The following PCDHGA10 variants were observed in gnomAD, a reference collection of about 807,000 sequenced individuals.
The protein encoded by PCDHGA10 is protocadherin gamma subfamily A, 10, also known as protocadherin gamma-A10.
In PCDHGA10, 42 loss-of-function variants were observed where a neutral mutation model predicts 59.5. That is an observed-to-expected ratio of 0.71 (90% CI 0.55 to 0.91). The LOEUF (loss-of-function observed/expected upper bound fraction) is 0.91, where lower values mean the gene tolerates loss of function less well. Ranked by LOEUF, PCDHGA10 falls within the 40% of genes least tolerant of loss-of-function variation. The probability of loss-of-function intolerance (pLI) is 0.00; values close to 1 mark genes in which losing one functional copy is unlikely to be tolerated. For synonymous variants in PCDHGA10, 511 were observed against 517.2 expected (o/e 0.99, Z 0.16); for missense variants, 1,111 against 1,198.2 (o/e 0.93, Z 1.07).
intron 1 of PCDHGA10, chr5:141,418,458 T>C: frequency 6.2e-7 from 1 of 1,614,010 alleles, no homozygotes; most frequent in African/African-American, 1.3e-5. Context: ...CAGAAGACTC[T>C]GGACCGAGAA....
Position 141,414,778 on chromosome 5 carries a change from C to G in PCDHGA10, c.1603C>G (p.Gln535Glu). 3.1e-6 allele frequency: 5 copies of G among 1,614,202 alleles called. No individual in the cohort carries two copies. The highest frequency in any genetic ancestry group is 3.4e-6 in the Non-Finnish European group (4 of 1,180,046). ...TGAGCAGTTTCATGAGCTACAGATG[C>G]AGGTGACAGCCAGCGACAGCGGGGA... ...DYEQFHELQM[Q>E]VTASDSGDPP... is the part of the protein sequence containing the mutation. The change falls in exon 1 of 4, where the codon CAG becomes GAG. Residue 535 changes from glutamine (Q) to glutamate (E), a missense_variant. Coordinates refer to ENST00000398610, the MANE Select transcript of PCDHGA10 (RefSeq NM_018913.3).
chr5:141,467,084 A>T, intron 1 of PCDHGA10, among the ~76,000 whole-genome samples: 1 of 142,674 alleles, frequency 7.0e-6, no homozygotes, highest in African/African-American at 2.6e-5. Context: ...ACCAAGTCTC[A>T]CTCTGTCACA....
At position 141,413,132 on chromosome 5, in the gene PCDHGA10, A is replaced by C. The variant is rs1313665743; in HGVS notation, c.-44A>C. The C allele has an allele frequency of 1.3e-6, 2 of 1,542,144 alleles. No individual in the cohort carries two copies. The highest frequency in any genetic ancestry group is 4.0e-5 in the Admixed American group (2 of 49,910). ...ACAAAGGAACCGGTTGAAACACACA[A>C]CGTGTCCAGTGAGGACTTTGCAGAA... On this transcript the variant is annotated 5_prime_UTR_variant, in exon 1 of 4. Transcript: ENST00000398610.
At chr5:141,460,961 ATGTGTG>A (rs35821115) in intron 1 of PCDHGA10, among the ~76,000 whole-genome samples, 6 of 144,616 alleles carry the variant, frequency 4.1e-5, no homozygotes, top group South Asian at 4.4e-4. Flanking sequence ...GTATATATAT[ATGTGTG>A]TGTGTGTGTG....
Position 141,476,220 on chromosome 5 carries a change from A to G in PCDHGA10, c.2437-18587A>G, listed in dbSNP as rs770978000. On this transcript the variant is annotated intron_variant, in intron 1 of 3. Coordinates refer to ENST00000398610, the MANE Select transcript of PCDHGA10 (RefSeq NM_018913.3). This position sits in a 1 kb window ranked among gnomAD's most constrained non-coding sequence, Gnocchi z 7.6. Reference sequence around the variant, plus strand: ...AACAAGGCTTCCACGGTCATTCACTATGAGATCCCGGAGGAAAGAGAGAAG... The same window carrying G: ...AACAAGGCTTCCACGGTCATTCACTGTGAGATCCCGGAGGAAAGAGAGAAG... 44 of 1,613,884 alleles carry G rather than the reference A, an allele frequency of 2.7e-5. No individual in the cohort carries two copies. The highest frequency in any genetic ancestry group is 3.4e-5 in the Non-Finnish European group (40 of 1,180,004).
At chr5:141,444,152 A>ATTTTT (rs747671382) in intron 1 of PCDHGA10, among the ~76,000 whole-genome samples, 10 of 33,898 alleles carry the variant, frequency 3.0e-4, no homozygotes, top group Middle Eastern at 0.019. Context: ...TGTGTACTGG[A>ATTTTT]TTTTTTTTTT....
Position 141,476,369 on chromosome 5 carries a change from G to A in PCDHGA10, c.2437-18438G>A, listed in dbSNP as rs1178923246. 1.9e-6 allele frequency: 3 copies of A among 1,614,098 alleles called. No homozygotes were observed. The African/African-American group carries it at 4.0e-5, about 22-fold the overall frequency. ...CTTTGAGGTGAACCGGGAGACCGGA[G>A]AGATGTTTGTGAACGACCGTCTGGA... On this transcript the variant is annotated intron_variant, in intron 1 of 3. Transcript: ENST00000398610. This position sits in a 1 kb window ranked among gnomAD's most constrained non-coding sequence, Gnocchi z 7.6.
In PCDHGA10 at chr5:141,486,070, T is replaced by G; in HGVS notation, c.2437-8737T>G. The G allele has an allele frequency of 6.2e-7, 1 of 1,614,158 alleles. No individual in the cohort carries two copies. Among genetic ancestry groups the G allele is most frequent in the Non-Finnish European group, 8.5e-7 (1 of 1,180,010 alleles). On this transcript the variant is annotated intron_variant, in intron 1 of 3. Coordinates refer to ENST00000398610, the MANE Select transcript of PCDHGA10 (RefSeq NM_018913.3). This position sits in a 1 kb window ranked among gnomAD's most constrained non-coding sequence, Gnocchi z 5.0. ...ACCTCTTTAGCCTGCACCCCACTAC[T>G]GGAAAGCTTACTCTTTTGGGGCCCC...
intron 1 of PCDHGA10, among the ~76,000 whole-genome samples, chr5:141,484,569 AGACT>A (rs1376518478): frequency 1.3e-5 from 2 of 152,106 alleles, no homozygotes; most frequent in African/African-American, 2.4e-5. Context: ...CAATACAATC[AGACT>A]GAGACGGAAG....
chr5:141,419,759 G>A (rs1179602962), intron 1 of PCDHGA10: 2 of 1,614,004 alleles, frequency 1.2e-6, no homozygotes, highest in Admixed American at 3.3e-5. Context: ...TGCTTTGGGT[G>A]ACAAGGACTC....
chr5:141,496,932 T>G (rs1336402833), intron 2 of PCDHGA10, among the ~76,000 whole-genome samples: 1 of 148,964 alleles, frequency 6.7e-6, no homozygotes, highest in Non-Finnish European at 1.5e-5. Context: ...ACGCCTGTAA[T>G]CCCAGCACTT....
intron 3 of PCDHGA10, among the ~76,000 whole-genome samples, 188 bp from the exon 4 acceptor site, chr5:141,510,759 G>A (rs1026623444): frequency 6.6e-5 from 10 of 152,172 alleles, no homozygotes; most frequent in African/African-American, 2.4e-4. Context: ...TCTCACTCCA[G>A]AGCCTCTTAA....
chr5:141,438,601 T>C (rs2098005462), intron 1 of PCDHGA10, among the ~76,000 whole-genome samples: 6 of 26,284 alleles, frequency 2.3e-4, no homozygotes, highest in African/African-American at 1.3e-3. Flanking sequence ...CATATATATA[T>C]ATATATATAT....
rs148675327 is a variant in PCDHGA10 at position 141,477,019 on chromosome 5, C to A, written c.2437-17788C>A. On this transcript the variant is annotated intron_variant, in intron 1 of 3. Coordinates refer to ENST00000398610, the MANE Select transcript of PCDHGA10 (RefSeq NM_018913.3). The surrounding 1 kb of genome is among the most constrained non-coding windows in gnomAD (Gnocchi z 4.9). ...AACTATTCGCCTTAGACCTTGTAAC[C>A]GGGATGCTGACAATCAAGGGTCGGC... The A allele has an allele frequency of 1.7e-5, 28 of 1,614,124 alleles. No individual in the cohort carries two copies. The African/African-American group carries it at 2.5e-4, about 15-fold the overall frequency.
At chr5:141,454,320 C>G (rs140074578) in intron 1 of PCDHGA10, among the ~76,000 whole-genome samples, 4 of 152,148 alleles carry the variant, frequency 2.6e-5, no homozygotes, top group Admixed American at 2.6e-4. Context: ...ATTGAAACCT[C>G]CAAGAATAAA....
In PCDHGA10 at chr5:141,467,461, A is replaced by G. The variant is rs1330947379; in HGVS notation, c.2437-27346A>G. ...ATTACTTTTTTCTTCCAGTGCTAGT[A>G]CTTGCATGGTTTTTGGTTTCCACAT... On this transcript the variant is annotated intron_variant, in intron 1 of 3. Coordinates refer to ENST00000398610, the MANE Select transcript of PCDHGA10 (RefSeq NM_018913.3). 2.6e-5 allele frequency among the ~76,000 whole-genome samples: 4 copies of G among 152,158 alleles called. No homozygotes were observed. The South Asian group carries it at 8.3e-4, about 31-fold the overall frequency.
In PCDHGA10 at chr5:141,477,070, T is replaced by A; in HGVS notation, c.2437-17737T>A. 6.2e-7 allele frequency: 1 copy of A among 1,613,342 alleles called. No individual in the cohort carries two copies. The highest frequency in any genetic ancestry group is 8.5e-7 in the Non-Finnish European group (1 of 1,179,244). ...TGGACTTCGAGGACACCAAACTCCATGAGATTTACATCCAGGCCAAAGACA... is the reference window on the plus strand; with the variant it reads ...TGGACTTCGAGGACACCAAACTCCAAGAGATTTACATCCAGGCCAAAGACA... On this transcript the variant is annotated intron_variant, in intron 1 of 3. Coordinates refer to ENST00000398610, the MANE Select transcript of PCDHGA10 (RefSeq NM_018913.3). The surrounding 1 kb of genome is among the most constrained non-coding windows in gnomAD (Gnocchi z 4.9).
chr5:141,511,489 A>G lies in PCDHGA10; in HGVS notation c.*316A>G. 2.3e-6 allele frequency: 1 copy of G among 435,688 alleles called. No individual in the cohort carries two copies. Among genetic ancestry groups the G allele is most frequent in the Non-Finnish European group, 4.2e-6 (1 of 239,908 alleles). The allele number at this position is 435,688 out of a possible 1,614,324, so 27.0% of individuals were successfully genotyped here. ...CGTTTAGTTACAGCTGAACTCCTCC[A>G]TCTTCCAAATCAATCAGGCCCATCC... On this transcript the variant is annotated 3_prime_UTR_variant, in exon 4 of 4. Coordinates refer to ENST00000398610, the MANE Select transcript of PCDHGA10 (RefSeq NM_018913.3).
intron 1 of PCDHGA10, among the ~76,000 whole-genome samples, chr5:141,453,049 G>C (rs1287375098): frequency 1.3e-5 from 2 of 152,222 alleles, no homozygotes; most frequent in East Asian, 3.9e-4. Context: ...TCTATTATGT[G>C]CAGTTTTAGA....
Sources: gnomAD v4.1 joint callset for allele counts (sites outside exome capture counted in the v4.1 genomes callset) on GRCh38, gnomAD v4.1.1 for gene constraint, Gnocchi (gnomAD v3.1) non-coding constraint, MANE v1.5 for transcripts, NCBI Gene and HGNC (gene_info 2026-07-23, HGNC 2026-07-21) for gene names.